Variants in LATS1 observed in about 807,000 individuals in gnomAD.
LATS1 encodes serine/threonine-protein kinase LATS1.
LATS1 carries 25 observed loss-of-function variants against 106.6 expected under a neutral mutation model. The ratio of observed to expected loss-of-function variants is 0.23; its 90% CI spans 0.17 to 0.33. LATS1 has a LOEUF of 0.33. Among genes scored for constraint, LATS1 ranks in the 10% least tolerant of loss-of-function variants. LATS1 has a pLI of 1.00. For missense variants in LATS1, 1,040 were observed against 1,382.6 expected (o/e 0.75, Z 3.93); for synonymous variants, 465 against 455.6 (o/e 1.02, Z -0.26).
At position 149,688,933 on chromosome 6, in the gene LATS1, C is replaced by T. The variant is rs1000703421; in HGVS notation, c.497-4341G>A. On this transcript the variant is annotated intron_variant, in intron 3 of 7. Coordinates refer to ENST00000543571, the MANE Select transcript of LATS1 (RefSeq NM_004690.4). ...CTGTAATCCTAGCACTTTAGGAGGCCGAGGTGGGCGGATCACCTGAGGTCA... is the reference window on the plus strand; with the variant it reads ...CTGTAATCCTAGCACTTTAGGAGGCTGAGGTGGGCGGATCACCTGAGGTCA... Among the ~76,000 whole-genome samples the T allele has an allele frequency of 5.9e-5, 9 of 151,744 alleles. No homozygotes were observed. The East Asian group carries it at 1.6e-3, about 27-fold the overall frequency.
intron 3 of LATS1, among the ~76,000 whole-genome samples, chr6:149,686,302 G>A (rs551879643): frequency 1.3e-5 from 2 of 152,154 alleles, no homozygotes; most frequent in Non-Finnish European, 2.9e-5. Flanking sequence ...TTATCATTCC[G>A]GATAAACTGG....
At chr6:149,708,044 C>G (rs1179203504) in intron 1 of LATS1, among the ~76,000 whole-genome samples, 1 of 152,080 alleles carries the variant, frequency 6.6e-6, no homozygotes, top group Non-Finnish European at 1.5e-5. Context: ...AAGGAAATGA[C>G]TGGATCCTAG....
At chr6:149,713,510 G>C (rs768029050) in intron 1 of LATS1, among the ~76,000 whole-genome samples, 1 of 151,928 alleles carries the variant, frequency 6.6e-6, no homozygotes, top group Non-Finnish European at 1.5e-5. Context: ...TGCCTAGGCT[G>C]GTCTCGAATG....
chr6:149,694,760 A>T (rs1286182379), intron 3 of LATS1, among the ~76,000 whole-genome samples: 1 of 152,200 alleles, frequency 6.6e-6, no homozygotes, highest in African/African-American at 2.4e-5. Context: ...TATGAAAAAA[A>T]TATATAAAAA....
In LATS1 at chr6:149,702,104, T is replaced by C; in HGVS notation, c.23A>G (p.Glu8Gly). The change falls in exon 2 of 8, where the codon GAA becomes GGA. Residue 8 changes from glutamate (E) to glycine (G), a missense_variant. Glu to Gly is a moderately conservative substitution (Grantham distance 98). This residue lies in a region of LATS1 where 624 missense variants were observed against 714.8 expected (regional missense o/e 0.87). Coordinates refer to ENST00000543571, the MANE Select transcript of LATS1 (RefSeq NM_004690.4). MKRSEKP[E>G]GYRQMRPKTF... The stretch of plus-strand genomic sequence containing the variant: ...CTTAGGCCTCATTTGTCTATATCCT[T>C]CTGGCTTTTCACTCCTCTTCATGAA... 2 of 1,609,446 alleles carry C rather than the reference T, an allele frequency of 1.2e-6. No homozygotes were observed. Among genetic ancestry groups the C allele is most frequent in the Non-Finnish European group, 1.7e-6 (2 of 1,177,826 alleles).
chr6:149,669,235 G>A (rs1451649254), intron 7 of LATS1, among the ~76,000 whole-genome samples: 5 of 151,898 alleles, frequency 3.3e-5, no homozygotes, highest in Admixed American at 6.6e-5. Context: ...CCAGGTTCAC[G>A]CCATTCTCCT....
chr6:149,668,493 G>C (rs1781279505), intron 7 of LATS1, among the ~76,000 whole-genome samples: 1 of 150,822 alleles, frequency 6.6e-6, no homozygotes, highest in African/African-American at 2.5e-5. Context: ...TCAGGCTACA[G>C]CATAGTGGTA....
chr6:149,704,120 C>T (rs756035867), intron 1 of LATS1, among the ~76,000 whole-genome samples: 7 of 152,200 alleles, frequency 4.6e-5, no homozygotes, highest in Non-Finnish European at 7.4e-5. Flanking sequence ...TCTCCTGCCT[C>T]AGCCTCCCGA....
intron 1 of LATS1, among the ~76,000 whole-genome samples, chr6:149,704,128 C>T (rs575634099): frequency 5.3e-5 from 8 of 152,252 alleles, no homozygotes; most frequent in South Asian, 2.1e-4. Context: ...CTCAGCCTCC[C>T]GAATAGCTGG....
chr6:149,693,022 C>T (rs532344112), intron 3 of LATS1, among the ~76,000 whole-genome samples: 101 of 151,650 alleles, frequency 6.7e-4, no homozygotes, highest in African/African-American at 2.4e-3. Context: ...CCCAGCACTT[C>T]GGGAGGCTGA....
intron 7 of LATS1, among the ~76,000 whole-genome samples, chr6:149,666,375 TG>T (rs1178828351): frequency 6.6e-6 from 1 of 151,932 alleles, no homozygotes; most frequent in Non-Finnish European, 1.5e-5. Flanking sequence ...CCCAGCACTT[TG>T]GGAGGCTGAG....
chr6:149,665,295 G>C (rs1002178853), intron 7 of LATS1, among the ~76,000 whole-genome samples: 1 of 152,190 alleles, frequency 6.6e-6, no homozygotes, highest in African/African-American at 2.4e-5. Flanking sequence ...CCAGGTGGCA[G>C]AGGTTGCAGT....
intron 7 of LATS1, among the ~76,000 whole-genome samples, chr6:149,667,185 A>G (rs1222799577): frequency 6.6e-6 from 1 of 152,066 alleles, no homozygotes; most frequent in African/African-American, 2.4e-5. Flanking sequence ...CTGTAATGCC[A>G]GCACTTTGGG....
intron 1 of LATS1, among the ~76,000 whole-genome samples, chr6:149,703,802 T>C (rs1783598245): frequency 6.6e-6 from 1 of 152,156 alleles, no homozygotes; most frequent in Non-Finnish European, 1.5e-5. Flanking sequence ...TATCAACATC[T>C]AATAAATTGA....
chr6:149,676,343 AC>A lies in LATS1; in HGVS notation c.2799del (p.Trp933CysfsTer24). 6.2e-7 allele frequency: 1 copy of A among 1,612,340 alleles called. No homozygotes were observed. Among genetic ancestry groups the A allele is most frequent in the South Asian group, 1.1e-5 (1 of 91,002 alleles). On this transcript the variant is annotated frameshift_variant, in exon 7 of 8. Coordinates refer to ENST00000543571, the MANE Select transcript of LATS1 (RefSeq NM_004690.4). LOFTEE classifies it high-confidence loss of function. ...TCAAAAAGAATAACACCAACACTCC[AC>A]CAATCACACAACTGTGTGTATCCTA... ...LRTGYTQLCD[W>X]WSVGVILFEM...
chr6:149,701,081 C>G (rs767632539), intron 2 of LATS1, among the ~76,000 whole-genome samples: 7 of 152,214 alleles, frequency 4.6e-5, no homozygotes, highest in Non-Finnish European at 1.0e-4. Flanking sequence ...CTGCACCCGG[C>G]CTGGCCTAAC....
rs73779548 is a variant in LATS1, at chr6:149,717,096, A to G, written c.-141+753T>C. On this transcript the variant is annotated intron_variant, in intron 1 of 7. Transcript: ENST00000543571. ...GTGCATGAGATTATACTTATTGTTC[A>G]CTAGATTTATGAATAACTTCTGGAG... 3.5e-3 allele frequency among the ~76,000 whole-genome samples: 527 copies of G among 152,304 alleles called. 3 individuals are homozygous for G. The highest frequency in any genetic ancestry group is 0.012 in the African/African-American group (502 of 41,564).
rs753305883 is a variant in LATS1 at position 149,680,237 on chromosome 6, CGAA to C, written c.2228_2230del (p.Leu743del). 7 of 1,613,984 alleles carry C rather than the reference CGAA, an allele frequency of 4.3e-6. No individual in the cohort carries two copies. The highest frequency in any genetic ancestry group is 2.2e-5 in the East Asian group (1 of 44,880). On this transcript the variant is annotated inframe_deletion, in exon 5 of 8. Transcript: ENST00000543571. Reference sequence around the variant, plus strand: ...AGCCTTAACATGAGCGACTTGATTTCGAAGAAGAACATCTTTCTTTCGAAGAGT... The same window carrying C: ...AGCCTTAACATGAGCGACTTGATTTCGAAGAACATCTTTCTTTCGAAGAGT...
chr6:149,689,455 TC>T (rs1782595204), intron 3 of LATS1, among the ~76,000 whole-genome samples: 1 of 152,030 alleles, frequency 6.6e-6, no homozygotes, highest in Non-Finnish European at 1.5e-5. Context: ...AGCAATATTA[TC>T]GATCTTATTT....
Sources: allele counts gnomAD v4.1 joint callset (sites outside exome capture counted in the v4.1 genomes callset), GRCh38; gene constraint gnomAD v4.1.1; regional missense constraint gnomAD v4.1.1; transcripts MANE v1.5; gene names NCBI Gene and HGNC (gene_info 2026-07-23, HGNC 2026-07-21).